The following MORF4L2 variants were observed in gnomAD, a reference collection of about 807,000 sequenced individuals.
MORF4L2 encodes mortality factor 4 like 2.
MORF4L2 carries 1 observed loss-of-function variant against 12.0 expected under a neutral mutation model. That is an observed-to-expected ratio of 0.08 (90% CI 0.03 to 0.40). The LOEUF (loss-of-function observed/expected upper bound fraction) is 0.40. Among genes scored for constraint, MORF4L2 ranks in the 10% least tolerant of loss-of-function variants. The pLI is 0.98. For missense variants in MORF4L2, 123 were observed against 214.0 expected (o/e 0.57, Z 2.65); for synonymous variants, 69 against 81.6 (o/e 0.85, Z 0.83).
Position 103,675,564 on chromosome X carries a change from T to G in MORF4L2, c.*597A>C, listed in dbSNP as rs978604735. 2 of 112,879 alleles carry G rather than the reference T, an allele frequency of 1.8e-5. No homozygotes were observed. The highest frequency in any genetic ancestry group is 6.5e-5 in the African/African-American group (2 of 30,973). The allele number at this position is 112,879 out of a possible 1,213,427, so 9.3% of individuals were successfully genotyped here. On this transcript the variant is annotated 3_prime_UTR_variant, in exon 4 of 4. Transcript: ENST00000441076. ...ATACAATTCCTAAAATATCAACTTT[T>G]CCAGAAAACCGTGGCTACACAATAA... is the stretch of plus-strand genomic sequence containing the variant.
At chrX:103,677,127 G>T in intron 3 of MORF4L2, 76 bp from the exon 4 acceptor site, 1 of 768,026 alleles carries the variant, frequency 1.3e-6, no homozygotes, top group Non-Finnish European at 1.8e-6. Flanking sequence ...GCCCATCAGA[G>T]AATAACACAT....
Position 103,676,251 on chromosome X carries a change from G to A in MORF4L2, c.777C>T (p.Phe259=), listed in dbSNP as rs775833716. 8.3e-7 allele frequency: 1 copy of A among 1,210,759 alleles called. No individual in the cohort carries two copies. Among genetic ancestry groups the A allele is most frequent in the Non-Finnish European group, 1.1e-6 (1 of 894,818 alleles). ...CAGAATTCTTTGCCAGATATTTTAG[G>A]AAATCATGCAAATAGCCCAACAATA... ...LALLLGYLHD[F]LKYLAKNSAS... The change falls in exon 4 of 4, where the codon TTC becomes TTT. Residue 259 remains phenylalanine (F), a synonymous_variant. Coordinates refer to ENST00000441076, the MANE Select transcript of MORF4L2 (RefSeq NM_012286.3).
chrX:103,677,442 A>C (rs2147664499), intron 3 of MORF4L2, among the ~76,000 whole-genome samples: 1 of 112,628 alleles, frequency 8.9e-6, no homozygotes, highest in South Asian at 3.6e-4. Flanking sequence ...TAATTGACTA[A>C]GGGCAAAATG....
chrX:103,682,100 CATTT>C (rs1341871928), intron 2 of MORF4L2, among the ~76,000 whole-genome samples: 2 of 111,469 alleles, frequency 1.8e-5, no homozygotes, highest in Non-Finnish European at 3.8e-5. Flanking sequence ...ATATAGCATG[CATTT>C]ATTTAATTTG....
At chrX:103,687,967 G>C (rs992242830), upstream of MORF4L2, 3 of 111,540 alleles carry the variant, frequency 2.7e-5, no homozygotes, top group African/African-American at 9.8e-5. Flanking sequence ...CCGGATTTCT[G>C]TGGCGACTGA....
upstream of MORF4L2, chrX:103,687,173 G>A (rs2074133313): frequency 9.4e-6 from 1 of 106,540 alleles, no homozygotes; most frequent in Admixed American, 1.0e-4. Context: ...GGGAGAGGAA[G>A]TGTCTACGTG....
At chrX:103,680,661 T>C (rs1194688515) in intron 2 of MORF4L2, among the ~76,000 whole-genome samples, 1 of 112,821 alleles carries the variant, frequency 8.9e-6, no homozygotes, top group Non-Finnish European at 1.9e-5. Flanking sequence ...GATATTGGAA[T>C]ATTTGCATAT....
At chrX:103,683,192 C>T (rs2074026859) in intron 2 of MORF4L2, among the ~76,000 whole-genome samples, 1 of 111,458 alleles carries the variant, frequency 9.0e-6, no homozygotes, top group Non-Finnish European at 1.9e-5. Context: ...AATTCTCTGC[C>T]TCAGCCTCCT....
chrX:103,686,440 CT>C (rs1397611310), intron 1 of MORF4L2, among the ~76,000 whole-genome samples, 190 bp downstream of exon 1: 114 of 111,591 alleles, frequency 1.0e-3, no homozygotes, highest in Non-Finnish European at 3.0e-4. Flanking sequence ...GAGGTAGATA[CT>C]ATTATTATCA....
Position 103,676,743 on chromosome X carries a change from A to C in MORF4L2, c.285T>G (p.Pro95=). 8.3e-7 allele frequency: 1 copy of C among 1,207,338 alleles called. No individual in the cohort carries two copies. The highest frequency in any genetic ancestry group is 1.1e-6 in the Non-Finnish European group (1 of 894,529). Residue 95 remains proline, a synonymous_variant, in exon 4 of 4, where the codon CCT becomes CCG. Transcript: ENST00000441076. Reference sequence around the variant, plus strand: ...GGGCCCTTTTCTTCCGAGGGGGCTGAGGTGCTTCGCTGGTACTGCCACCAT... The same window carrying C: ...GGGCCCTTTTCTTCCGAGGGGGCTGCGGTGCTTCGCTGGTACTGCCACCAT... ...NGDGGSTSEA[P]QPPRKKRARA... is the part of the protein sequence containing the mutation.
At chrX:103,677,559 A>G (rs189837590) in intron 3 of MORF4L2, among the ~76,000 whole-genome samples, 1 of 112,363 alleles carries the variant, frequency 8.9e-6, no homozygotes, top group East Asian at 2.8e-4. Context: ...ATAGTAACCA[A>G]AGGAGGGAGG....
chrX:103,684,045 A>G (rs762546431), intron 2 of MORF4L2, among the ~76,000 whole-genome samples: 1 of 112,375 alleles, frequency 8.9e-6, no homozygotes, highest in South Asian at 3.7e-4. Flanking sequence ...CTCCATATGT[A>G]GCTGTCAAAA....
chrX:103,685,370 G>A (rs1012186029), intron 1 of MORF4L2, 110 bp from the exon 2 acceptor site: 2 of 112,436 alleles, frequency 1.8e-5, no homozygotes, highest in Admixed American at 9.4e-5. Context: ...GGACACCAAA[G>A]CTGATAAATA....
chrX:103,676,974 T>C lies in MORF4L2; in HGVS notation c.54A>G (p.Glu18=), dbSNP rs768237950. The part of the protein sequence containing the change: ...SQPRGQQSAE[E]ENFKKPTRSN... ...TTCTAGTTGGTTTTTTGAAGTTCTC[T>C]TCTTCTGCAGATTGCTGTCCACGAG... The change falls in exon 4 of 4, where the codon GAA becomes GAG. Residue 18 remains glutamate (E), a synonymous_variant. Transcript: ENST00000441076. 19 of 1,208,942 alleles carry C rather than the reference T, an allele frequency of 1.6e-5. No homozygotes were observed. Among genetic ancestry groups the C allele is most frequent in the Non-Finnish European group, 1.9e-5 (17 of 894,874 alleles).
intron 2 of MORF4L2, among the ~76,000 whole-genome samples, chrX:103,680,103 T>G (rs2073955210): frequency 9.0e-6 from 1 of 111,544 alleles, no homozygotes. Context: ...GGAGAATCAC[T>G]TGAACCTGGG....
intron 2 of MORF4L2, among the ~76,000 whole-genome samples, chrX:103,682,188 G>C (rs1465715912): frequency 9.0e-6 from 1 of 111,308 alleles, no homozygotes; most frequent in Non-Finnish European, 1.9e-5. Context: ...TTCCATGTCA[G>C]TACATACCTA....
chrX:103,678,808 C>T (rs868475658), intron 2 of MORF4L2, among the ~76,000 whole-genome samples, 157 bp from the exon 3 acceptor site: 1 of 112,260 alleles, frequency 8.9e-6, no homozygotes, highest in African/African-American at 3.2e-5. Flanking sequence ...AATTAGGCTC[C>T]GTCATTTATG....
At chrX:103,677,112 T>G in intron 3 of MORF4L2, 61 bp from the exon 4 acceptor site, 1 of 881,797 alleles carries the variant, frequency 1.1e-6, no homozygotes, top group Non-Finnish European at 1.5e-6. Flanking sequence ...CTATGTTTCA[T>G]AAAGGCCCAT....
chrX:103,677,098 T>C, intron 3 of MORF4L2, 47 bp from the exon 4 acceptor site: 1 of 952,991 alleles, frequency 1.0e-6, no homozygotes, highest in South Asian at 3.0e-5. Context: ...ATGGCAACCT[T>C]TAACTATGTT....
Sources: gnomAD v4.1 joint callset for allele counts (sites outside exome capture counted in the v4.1 genomes callset) on GRCh38, gnomAD v4.1.1 for gene constraint, MANE v1.5 for transcripts, NCBI Gene and HGNC (gene_info 2026-07-23, HGNC 2026-07-21) for gene names.